Variants in COL22A1 observed in about 807,000 individuals in gnomAD.
COL22A1 encodes the protein collagen type XXII alpha 1 chain.
In COL22A1, 221 loss-of-function variants were observed where a neutral mutation model predicts 248.9. That is an observed-to-expected ratio of 0.89 (90% CI 0.80 to 0.99). The LOEUF is 0.99. COL22A1 is among the 50% of genes least tolerant of loss of function. COL22A1 has a pLI of 0.00. For missense variants in COL22A1, 2,240 were observed against 2,179.0 expected (o/e 1.03, Z -0.56); for synonymous variants, 891 against 793.4 (o/e 1.12, Z -2.07).
In COL22A1 at chr8:138,883,200, C is replaced by T. The variant is rs773100069; in HGVS notation, c.-28G>A. The T allele has an allele frequency of 1.7e-5, 26 of 1,554,118 alleles. No homozygotes were observed. The South Asian group carries it at 2.5e-4, about 15-fold the overall frequency. ...CTCTCCTGTTCTTGGGGACAGGCTT[C>T]TCTTGGCCAGGAAGAGACGCTGTTA... On this transcript the variant is annotated 5_prime_UTR_variant, in exon 2 of 65. Transcript: ENST00000303045.
intron 10 of COL22A1, among the ~76,000 whole-genome samples, chr8:138,805,295 G>A (rs1817423043): frequency 7.1e-6 from 1 of 140,496 alleles, no homozygotes; most frequent in South Asian, 2.5e-4. Flanking sequence ...TGTGTGTGGT[G>A]GTGTGGGATG....
rs560965623 is a variant in COL22A1, at chr8:138,728,031, T to C, written c.2140-2591A>G. ...AGGCACATTCCAGGCAATGTTTTTTTGTTTTTGTTTTTGTTTTTTGAGATA... is the reference window on the plus strand; with the variant it reads ...AGGCACATTCCAGGCAATGTTTTTTCGTTTTTGTTTTTGTTTTTTGAGATA... On this transcript the variant is annotated intron_variant, in intron 23 of 64. Transcript: ENST00000303045. 4.6e-5 allele frequency among the ~76,000 whole-genome samples: 7 copies of C among 152,244 alleles called. No individual in the cohort carries two copies. The South Asian group carries it at 1.5e-3, about 32-fold the overall frequency.
intron 64 of COL22A1, 142 bp downstream of exon 64, chr8:138,591,282 G>T (rs958872844): frequency 4.6e-6 from 2 of 434,092 alleles, no homozygotes; most frequent in South Asian, 9.1e-5. Context: ...GAAACCAAGT[G>T]AGTGATCTCT....
intron 3 of COL22A1, among the ~76,000 whole-genome samples, chr8:138,860,481 T>C (rs188372879): frequency 7.2e-5 from 11 of 152,326 alleles, no homozygotes; most frequent in African/African-American, 2.6e-4. Flanking sequence ...ATTTTCTATA[T>C]GTGTGACCTC....
chr8:138,632,675 G>A (rs1820828467), intron 49 of COL22A1, among the ~76,000 whole-genome samples: 1 of 152,096 alleles, frequency 6.6e-6, no homozygotes, highest in South Asian at 2.1e-4. Context: ...AACTGTAGAA[G>A]ACCTGTCTTA....
At chr8:138,695,742 T>A (rs1302814097) in intron 32 of COL22A1, among the ~76,000 whole-genome samples, 1 of 151,742 alleles carries the variant, frequency 6.6e-6, no homozygotes, top group Non-Finnish European at 1.5e-5. Flanking sequence ...GCCCAACACA[T>A]CTCCCAGGAG....
At chr8:138,628,681 G>A (rs981349138) in intron 50 of COL22A1, among the ~76,000 whole-genome samples, 4 of 152,036 alleles carry the variant, frequency 2.6e-5, no homozygotes, top group African/African-American at 9.7e-5. Flanking sequence ...CTTGAGGAGT[G>A]GTCCCATGAC....
At chr8:138,590,659 T>G (rs1198109834) in intron 64 of COL22A1, among the ~76,000 whole-genome samples, 1 of 152,204 alleles carries the variant, frequency 6.6e-6, no homozygotes, top group Admixed American at 6.5e-5. Flanking sequence ...AAGATCAATA[T>G]TCAGATTTGA....
intron 7 of COL22A1, among the ~76,000 whole-genome samples, chr8:138,816,226 C>A (rs1203187442): frequency 6.6e-6 from 1 of 152,150 alleles, no homozygotes; most frequent in Non-Finnish European, 1.5e-5. Context: ...GGGATCTGGA[C>A]AGAGGCGTTC....
chr8:138,746,373 G>A (rs892451483), intron 22 of COL22A1, among the ~76,000 whole-genome samples: 1 of 152,220 alleles, frequency 6.6e-6, no homozygotes, highest in Admixed American at 6.5e-5. Flanking sequence ...GTCATGGCAA[G>A]GGAAGGAGAG....
intron 3 of COL22A1, among the ~76,000 whole-genome samples, chr8:138,844,372 C>CTG (rs1445175720): frequency 1.3e-5 from 2 of 152,344 alleles, no homozygotes; most frequent in Non-Finnish European, 2.9e-5. Context: ...ATACTGTGTT[C>CTG]TGTACTGGGG....
chr8:138,676,442 A>G (rs888540847), intron 41 of COL22A1, 116 bp downstream of exon 41: 1 of 539,958 alleles, frequency 1.9e-6, no homozygotes, highest in Non-Finnish European at 3.3e-6. Context: ...AGAAAGAAAG[A>G]AAGAAAGAAA....
chr8:138,840,675 C>G (rs1285269937), intron 4 of COL22A1, among the ~76,000 whole-genome samples: 1 of 152,156 alleles, frequency 6.6e-6, no homozygotes, highest in Non-Finnish European at 1.5e-5. Context: ...GCAACCTCTT[C>G]CTCCTGGGCT....
intron 50 of COL22A1, among the ~76,000 whole-genome samples, chr8:138,629,243 G>C (rs1265195653): frequency 6.6e-6 from 1 of 151,960 alleles, no homozygotes; most frequent in Non-Finnish European, 1.5e-5. Flanking sequence ...TGCAGTCTCT[G>C]CCTCCCAGGT....
chr8:138,655,288 C>G (rs1279162300), intron 45 of COL22A1, among the ~76,000 whole-genome samples: 1 of 152,220 alleles, frequency 6.6e-6, no homozygotes, highest in Non-Finnish European at 1.5e-5. Flanking sequence ...AGGCAGCCAC[C>G]AGCCACATGC....
At chr8:138,685,108 T>A in intron 38 of COL22A1, 100 bp downstream of exon 38, 1 of 859,486 alleles carries the variant, frequency 1.2e-6, no homozygotes, top group Non-Finnish European at 1.9e-6. Flanking sequence ...TTGGCCACGG[T>A]TCAATTTCTG....
chr8:138,881,368 A>G (rs188043408), intron 2 of COL22A1, among the ~76,000 whole-genome samples: 7 of 149,556 alleles, frequency 4.7e-5, no homozygotes, highest in African/African-American at 1.5e-4. Flanking sequence ...TTTCTTTTTT[A>G]AGTCCAGGGA....
chr8:138,716,844 G>A lies in COL22A1; in HGVS notation c.2381C>T (p.Ala794Val). The A allele has an allele frequency of 6.2e-7, 1 of 1,611,918 alleles. No homozygotes were observed. Among genetic ancestry groups the A allele is most frequent in the Non-Finnish European group, 8.5e-7 (1 of 1,178,004 alleles). ...ACAGACCTTCTCTCCAGGTCGGCCT[G>A]CCAGGCCCTGCTCCCCAATTTCTCC... The part of the protein sequence containing the change: ...LRGEIGEQGL[A>V]GRPGEKGEAG... Residue 794 changes from alanine (A) to valine (V), a missense_variant, in exon 28 of 65, where the codon GCA becomes GTA. Ala to Val is a moderately conservative substitution (Grantham distance 64). Transcript: ENST00000303045.
chr8:138,685,439 T>C (rs1431478720), intron 37 of COL22A1, 127 bp from the exon 38 acceptor site: 2 of 730,200 alleles, frequency 2.7e-6, no homozygotes, highest in African/African-American at 1.8e-5. Flanking sequence ...AGGCCCATGC[T>C]TTCTGGGACA....
Sources: gnomAD v4.1 joint callset for allele counts (sites outside exome capture counted in the v4.1 genomes callset) on GRCh38, gnomAD v4.1.1 for gene constraint, MANE v1.5 for transcripts, NCBI Gene and HGNC (gene_info 2026-07-23, HGNC 2026-07-21) for gene names.